Variants in HIGD1A observed in about 807,000 individuals in gnomAD.
The protein encoded by HIGD1A is HIG1 hypoxia inducible domain family member 1A, also known as HIG1 domain family member 1A, mitochondrial.
A neutral mutation model predicts 11.3 loss-of-function variants in HIGD1A; 8 were observed. That is an observed-to-expected ratio of 0.71 (90% confidence interval 0.42 to 1.28). The LOEUF (loss-of-function observed/expected upper bound fraction) is 1.28. HIGD1A is among the 50% of genes most tolerant of loss of function. The pLI, the probability that HIGD1A is intolerant of heterozygous loss-of-function variation, is 0.01. For missense variants in HIGD1A, 107 were observed against 118.8 expected (o/e 0.90, Z 0.46); for synonymous variants, 32 against 38.4 (o/e 0.83, Z 0.62).
At chr3:42,794,395 C>G (rs1319256847) in intron 1 of HIGD1A, 120 bp from the exon 2 acceptor site, 1 of 994,150 alleles carries the variant, frequency 1.0e-6, no homozygotes, top group Admixed American at 3.9e-5. Flanking sequence ...ATCCATAATC[C>G]TAAAGTTAAA....
chr3:42,786,273 T>C lies in HIGD1A; in HGVS notation c.98-111A>G, dbSNP rs1700350358. ...TTATGAGGATTCTTTATCAGATCAT[T>C]AATTAGCTAACATACAAATTGAGTT... is the stretch of plus-strand genomic sequence containing the variant. On this transcript the variant is annotated intron_variant, in intron 2 of 3. Transcript: ENST00000321331. The C allele has an allele frequency of 3.3e-6, 4 of 1,227,322 alleles. No homozygotes were observed. The South Asian group carries it at 6.3e-5, about 19-fold the overall frequency. The allele number at this position is 1,227,322 out of a possible 1,614,324, so 76.0% of individuals were successfully genotyped here.
At chr3:42,792,013 G>A (rs564196949) in intron 2 of HIGD1A, among the ~76,000 whole-genome samples, 20 of 152,094 alleles carry the variant, frequency 1.3e-4, no homozygotes, top group African/African-American at 4.6e-4. Context: ...AAAAGATAAT[G>A]AACAAGGCTA....
chr3:42,794,066 T>C (rs1272304453), intron 2 of HIGD1A, 91 bp downstream of exon 2: 3 of 1,292,320 alleles, frequency 2.3e-6, no homozygotes, highest in Non-Finnish European at 3.2e-6. Context: ...AAGAAAAAAA[T>C]GGAAAATACA....
chr3:42,800,833 A>T (rs1700548499), intron 1 of HIGD1A, among the ~76,000 whole-genome samples: 1 of 146,448 alleles, frequency 6.8e-6, no homozygotes, highest in Admixed American at 6.8e-5. Flanking sequence ...CGGTCCTTTA[A>T]AAAAAAAAAA....
At chr3:42,801,598 A>G (rs918643237) in intron 1 of HIGD1A, among the ~76,000 whole-genome samples, 10 of 152,232 alleles carry the variant, frequency 6.6e-5, no homozygotes, top group African/African-American at 2.4e-4. Flanking sequence ...CAAAAAAATA[A>G]CAATCATACA....
At chr3:42,803,900 C>G (rs1476593405) in intron 1 of HIGD1A, among the ~76,000 whole-genome samples, 2 of 152,144 alleles carry the variant, frequency 1.3e-5, no homozygotes, top group Non-Finnish European at 2.9e-5. Context: ...AAAGCAAGAC[C>G]AGGACTGGAA....
At position 42,794,170 on chromosome 3, in the gene HIGD1A, T is replaced by G. The variant is rs369526185; in HGVS notation, c.84A>C (p.Pro28=). 1 of 1,603,102 alleles carries G rather than the reference T, an allele frequency of 6.2e-7. No individual in the cohort carries two copies. The highest frequency in any genetic ancestry group is 1.1e-5 in the South Asian group (1 of 88,542). ...AGTCAAACTTACCAACGGGTACGAA[T>G]GGTGCCTCTTTAGCTTTTCGAATGA... ...SKLIRKAKEA[P]FVPVGIAGFA... is the part of the protein sequence containing the mutation. Residue 28 remains proline (P), a synonymous_variant, in exon 2 of 4, where the codon CCA becomes CCC. Coordinates refer to ENST00000321331, the MANE Select transcript of HIGD1A (RefSeq NM_014056.4).
At chr3:42,791,643 A>C (rs182284161) in intron 2 of HIGD1A, among the ~76,000 whole-genome samples, 2 of 152,298 alleles carry the variant, frequency 1.3e-5, no homozygotes, top group African/African-American at 4.8e-5. Context: ...ACATAATGGG[A>C]ACAACTCCTA....
chr3:42,799,573 T>C (rs1700529177), intron 1 of HIGD1A, among the ~76,000 whole-genome samples: 1 of 152,014 alleles, frequency 6.6e-6, no homozygotes, highest in Non-Finnish European at 1.5e-5. Flanking sequence ...ATTTGTGCCT[T>C]AGCCTAACAG....
chr3:42,802,802 A>G (rs1440471497), intron 1 of HIGD1A, among the ~76,000 whole-genome samples: 1 of 152,226 alleles, frequency 6.6e-6, no homozygotes, highest in Admixed American at 6.5e-5. Context: ...CTCTTCTGAT[A>G]GAGAGTCCTG....
chr3:42,804,158 G>GTT (rs1700605831), intron 1 of HIGD1A: 1 of 1,607,410 alleles, frequency 6.2e-7, no homozygotes, highest in Non-Finnish European at 8.5e-7. Context: ...AGTCTTCCCC[G>GTT]CTCGGCAACT....
At chr3:42,792,933 T>C (rs1399841519) in intron 2 of HIGD1A, among the ~76,000 whole-genome samples, 1 of 140,316 alleles carries the variant, frequency 7.1e-6, no homozygotes, top group African/African-American at 2.7e-5. Context: ...AGTGAGCCGA[T>C]ATCGCGCCAC....
At chr3:42,795,795 C>T (rs1028055439) in intron 1 of HIGD1A, among the ~76,000 whole-genome samples, 47 of 151,940 alleles carry the variant, frequency 3.1e-4, no homozygotes, top group Middle Eastern at 3.4e-3. Context: ...CAGTCATCTC[C>T]GTGAATAGCC....
chr3:42,792,411 C>T (rs914423740), intron 2 of HIGD1A, among the ~76,000 whole-genome samples: 2 of 152,170 alleles, frequency 1.3e-5, no homozygotes, highest in South Asian at 2.1e-4. Flanking sequence ...CGGTGGCTCA[C>T]GCCTATAATT....
At chr3:42,796,100 G>A (rs1320955430) in intron 1 of HIGD1A, among the ~76,000 whole-genome samples, 1 of 152,136 alleles carries the variant, frequency 6.6e-6, no homozygotes, top group Non-Finnish European at 1.5e-5. Flanking sequence ...TACTCAAGGG[G>A]AGTCAGTGGC....
At chr3:42,792,897 G>A (rs1030060451) in intron 2 of HIGD1A, among the ~76,000 whole-genome samples, 16 of 150,850 alleles carry the variant, frequency 1.1e-4, no homozygotes, top group African/African-American at 3.2e-4. Flanking sequence ...CAGAAGAATC[G>A]CTTGAACCCA....
chr3:42,788,711 G>A (rs975304433), intron 2 of HIGD1A, among the ~76,000 whole-genome samples: 2 of 151,692 alleles, frequency 1.3e-5, no homozygotes, highest in Non-Finnish European at 2.9e-5. Context: ...GTGAAACCCC[G>A]TCTCTACTAA....
rs964738062 is a variant in HIGD1A, at chr3:42,804,081, C to T, written c.-23+355G>A. 3.7e-6 allele frequency: 5 copies of T among 1,349,020 alleles called. No homozygotes were observed. In the African/African-American group the frequency reaches 5.9e-5, roughly 16 times the overall value. 83.6% of individuals were successfully genotyped at this position (1,349,020 alleles called of 1,614,324 possible). ...AAGCTCCGGGGAAGCTCCCGCTCCT[C>T]GCTCCCCGCCGTCGGGCCCAGTCAA... is the stretch of plus-strand genomic sequence containing the variant. On this transcript the variant is annotated intron_variant, in intron 1 of 3. Coordinates refer to ENST00000321331, the MANE Select transcript of HIGD1A (RefSeq NM_014056.4).
intron 2 of HIGD1A, among the ~76,000 whole-genome samples, chr3:42,789,577 A>AAC (rs1553697083): frequency 1.3e-5 from 2 of 151,392 alleles, no homozygotes; most frequent in Non-Finnish European, 2.9e-5. Flanking sequence ...CAAAAAAAAA[A>AAC]ACGAAAAATC....
Sources: allele counts gnomAD v4.1 joint callset (sites outside exome capture counted in the v4.1 genomes callset), GRCh38; gene constraint gnomAD v4.1.1; transcripts MANE v1.5; gene names NCBI Gene and HGNC (gene_info 2026-07-23, HGNC 2026-07-21).